MAPK8: variants seen among roughly 807,000 people sequenced by gnomAD.
The protein encoded by MAPK8 is mitogen-activated protein kinase 8.
In MAPK8, 13 loss-of-function variants were observed where a neutral mutation model predicts 52.9. The observed-to-expected ratio is 0.25, with a 90% CI of 0.16 to 0.39. The LOEUF is 0.39. Among genes scored for constraint, MAPK8 ranks in the 10% least tolerant of loss-of-function variants. The pLI is 1.00. For synonymous variants in MAPK8, 191 were observed against 169.8 expected, an observed-to-expected ratio of 1.12 and a Z score of -0.97; for missense variants, 300 against 519.2, an observed-to-expected ratio of 0.58 and a Z score of 4.10.
At chr10:48,322,214 T>G (rs144806503) in intron 1 of MAPK8, among the ~76,000 whole-genome samples, 75 of 152,284 alleles carry the variant, frequency 4.9e-4, no homozygotes, top group African/African-American at 1.8e-3. Flanking sequence ...GCTATGGGAA[T>G]TCCTAAAGAA....
intron 1 of MAPK8, among the ~76,000 whole-genome samples, chr10:48,355,323 C>G (rs1445237481): frequency 3.3e-5 from 5 of 152,108 alleles, no homozygotes; most frequent in African/African-American, 1.2e-4. Flanking sequence ...TCCTGGCTAA[C>G]ACGGCGAAAC....
At chr10:48,349,215 C>A (rs573225290) in intron 1 of MAPK8, among the ~76,000 whole-genome samples, 1 of 152,008 alleles carries the variant, frequency 6.6e-6, no homozygotes, top group African/African-American at 2.4e-5. Context: ...TCAGACAGAT[C>A]GAGACAGAAA....
chr10:48,419,683 A>G (rs377090081), intron 5 of MAPK8, among the ~76,000 whole-genome samples: 2 of 152,228 alleles, frequency 1.3e-5, no homozygotes, highest in Non-Finnish European at 2.9e-5. Context: ...AGTCTAAAAG[A>G]TCAAATAACA....
chr10:48,394,399 C>G (rs557859104), intron 1 of MAPK8, among the ~76,000 whole-genome samples: 1 of 151,808 alleles, frequency 6.6e-6, no homozygotes, highest in East Asian at 1.9e-4. Context: ...ATTTTATGAC[C>G]AAGCGGGATT....
intron 1 of MAPK8, among the ~76,000 whole-genome samples, chr10:48,348,825 C>T (rs948359310): frequency 2.0e-5 from 3 of 151,936 alleles, no homozygotes; most frequent in Admixed American, 2.0e-4. Flanking sequence ...TAGTGTGATG[C>T]CTCGAGCTTT....
At chr10:48,340,805 C>G (rs1208742473) in intron 1 of MAPK8, among the ~76,000 whole-genome samples, 1 of 152,234 alleles carries the variant, frequency 6.6e-6, no homozygotes, top group African/African-American at 2.4e-5. Context: ...TTCTGGTGCT[C>G]TCTATTCTCT....
chr10:48,334,002 C>A (rs1844415369), intron 1 of MAPK8, among the ~76,000 whole-genome samples: 1 of 152,214 alleles, frequency 6.6e-6, no homozygotes, highest in South Asian at 2.1e-4. Flanking sequence ...ACCCGCTGAG[C>A]TGGCCCCACT....
chr10:48,407,249 G>A (rs571917995), intron 3 of MAPK8, among the ~76,000 whole-genome samples: 6 of 152,220 alleles, frequency 3.9e-5, no homozygotes, highest in African/African-American at 1.4e-4. Flanking sequence ...CAGAAATTAC[G>A]TGTCTAACTA....
chr10:48,376,425 CTA>C lies in MAPK8; in HGVS notation c.-49-25185_-49-25184del, dbSNP rs371200713. 3.0e-3 allele frequency among the ~76,000 whole-genome samples: 454 copies of C among 152,264 alleles called. 3 individuals are homozygous for C. The highest frequency in any genetic ancestry group is 0.011 in the African/African-American group (442 of 41,560). On this transcript the variant is annotated intron_variant, in intron 1 of 11. Transcript: ENST00000374189. ...AAGAGTTTCTGCACAGCAAAAGAAACTATCATCAGAGTGAACAAGCAGCCTAC... is the reference window on the plus strand; with the variant it reads ...AAGAGTTTCTGCACAGCAAAAGAAACTCATCAGAGTGAACAAGCAGCCTAC...
At chr10:48,374,996 A>C (rs959809262) in intron 1 of MAPK8, among the ~76,000 whole-genome samples, 8 of 152,230 alleles carry the variant, frequency 5.3e-5, no homozygotes, top group African/African-American at 1.9e-4. Context: ...TCAATAAAAT[A>C]CCGGCAAACC....
intron 1 of MAPK8, among the ~76,000 whole-genome samples, chr10:48,363,322 AT>A (rs1847728967): frequency 6.6e-6 from 1 of 152,184 alleles, no homozygotes; most frequent in South Asian, 2.1e-4. Context: ...ATAGAAATTC[AT>A]TTATCTATTC....
chr10:48,393,832 A>G (rs1233535352), intron 1 of MAPK8, among the ~76,000 whole-genome samples: 2 of 152,038 alleles, frequency 1.3e-5, no homozygotes, highest in African/African-American at 4.8e-5. Context: ...TAAAGATAAA[A>G]TAGGAAGCAT....
chr10:48,388,850 A>G lies in MAPK8; in HGVS notation c.-49-12762A>G, dbSNP rs150659847. Among the ~76,000 whole-genome samples the G allele has an allele frequency of 2.4e-3, 360 of 152,224 alleles. 1 individual carries two copies. Among genetic ancestry groups the G allele is most frequent in the African/African-American group, 8.3e-3 (344 of 41,542 alleles). ...CTTCATATGGCTCTACTACCTTAGT[A>G]TAGAGGAGGAACCGTAAAGTCCAAG... On this transcript the variant is annotated intron_variant, in intron 1 of 11. Transcript: ENST00000374189.
At chr10:48,417,319 T>C (rs981507753) in intron 5 of MAPK8, among the ~76,000 whole-genome samples, 1 of 152,234 alleles carries the variant, frequency 6.6e-6, no homozygotes, top group Non-Finnish European at 1.5e-5. Context: ...TTGGACTTAA[T>C]TGAGGCTGTC....
At chr10:48,371,036 G>A (rs1251922570) in intron 1 of MAPK8, among the ~76,000 whole-genome samples, 1 of 152,086 alleles carries the variant, frequency 6.6e-6, no homozygotes, top group African/African-American at 2.4e-5. Context: ...CAGATCACCG[G>A]ATTTGTGAGT....
Position 48,355,015 on chromosome 10 carries a change from C to A in MAPK8, c.-49-46597C>A, listed in dbSNP as rs545037508. 9.7e-4 allele frequency among the ~76,000 whole-genome samples: 147 copies of A among 152,238 alleles called. 1 individual carries two copies. The highest frequency in any genetic ancestry group is 3.3e-3 in the African/African-American group (139 of 41,560). On this transcript the variant is annotated intron_variant, in intron 1 of 11. Transcript: ENST00000374189. ...AAGAAAAACATAAAGAAACTAAGCA[C>A]TGTGAGCAGGACTCAACAGCAGACC...
At chr10:48,364,903 A>G (rs1847892877) in intron 1 of MAPK8, among the ~76,000 whole-genome samples, 2 of 152,162 alleles carry the variant, frequency 1.3e-5, no homozygotes, top group African/African-American at 2.4e-5. Flanking sequence ...TCTTTTACAG[A>G]TACCTTTAGA....
chr10:48,399,597 G>A (rs543220864), intron 1 of MAPK8, among the ~76,000 whole-genome samples: 7 of 152,180 alleles, frequency 4.6e-5, no homozygotes, highest in Admixed American at 6.5e-5. Flanking sequence ...TCTTTTAGCA[G>A]AAAAGGAAAC....
chr10:48,438,051 G>C lies in MAPK8; in HGVS notation c.*3022G>C, dbSNP rs41281987. ...AAACATATGAAGACTTAACTATTCA[G>C]TGTTGCCTAGGCATTCGCCTGCACA... is the stretch of plus-strand genomic sequence containing the variant. On this transcript the variant is annotated 3_prime_UTR_variant, in exon 12 of 12. Coordinates refer to ENST00000374189, the MANE Select transcript of MAPK8 (RefSeq NM_001323329.2). 22 of 152,386 alleles carry C rather than the reference G, an allele frequency of 1.4e-4. No individual in the cohort carries two copies. The highest frequency in any genetic ancestry group is 5.0e-4 in the African/African-American group (21 of 41,596). The allele number at this position is 152,386 out of a possible 1,614,324, so 9.4% of individuals were successfully genotyped here.
Sources: gnomAD v4.1 joint callset for allele counts (sites outside exome capture counted in the v4.1 genomes callset) on GRCh38, gnomAD v4.1.1 for gene constraint, MANE v1.5 for transcripts, NCBI Gene and HGNC (gene_info 2026-07-23, HGNC 2026-07-21) for gene names.